The following PTPN11 variants were observed in gnomAD, a reference collection of about 807,000 sequenced individuals.
PTPN11 encodes the protein protein tyrosine phosphatase non-receptor type 11, also known as tyrosine-protein phosphatase non-receptor type 11.
In PTPN11, 6 loss-of-function variants were observed where a neutral mutation model predicts 78.8. That is an observed-to-expected ratio of 0.08 (90% CI 0.04 to 0.15). The LOEUF is 0.15. Ranked by LOEUF, PTPN11 falls within the 10% of genes least tolerant of loss-of-function variation. The pLI, the probability that PTPN11 is intolerant of heterozygous loss-of-function variation, is 1.00. For synonymous variants in PTPN11, 221 were observed against 263.5 expected (o/e 0.84, Z 1.56); for missense variants, 386 against 744.8 (o/e 0.52, Z 5.61).
intron 1 of PTPN11, among the ~76,000 whole-genome samples, chr12:112,427,936 A>G (rs2037647479): frequency 6.6e-6 from 1 of 151,976 alleles, no homozygotes; most frequent in Admixed American, 6.6e-5. Flanking sequence ...TTTTTTATAC[A>G]GACGGGGTCT....
intron 1 of PTPN11, among the ~76,000 whole-genome samples, chr12:112,439,677 C>T (rs957464787): frequency 6.6e-6 from 1 of 151,728 alleles, no homozygotes; most frequent in Non-Finnish European, 1.5e-5. Flanking sequence ...ACTATGTTGG[C>T]CAGGCTGGTC....
chr12:112,503,963 T>C (rs1344566400), intron 14 of PTPN11, among the ~76,000 whole-genome samples: 1 of 152,202 alleles, frequency 6.6e-6, no homozygotes, highest in African/African-American at 2.4e-5. Flanking sequence ...TCACATAACC[T>C]GAGCTGGGGC....
At chr12:112,492,688 T>A (rs1303227455) in intron 13 of PTPN11, among the ~76,000 whole-genome samples, 1 of 152,014 alleles carries the variant, frequency 6.6e-6, no homozygotes, top group Non-Finnish European at 1.5e-5. Context: ...TGGCTAATTT[T>A]TTGTATTTTT....
chr12:112,434,136 T>G (rs1473394540), intron 1 of PTPN11, among the ~76,000 whole-genome samples: 3 of 151,524 alleles, frequency 2.0e-5, no homozygotes, highest in Admixed American at 1.3e-4. Flanking sequence ...AAAAATTAGT[T>G]GGGCATAGTG....
chr12:112,466,763 C>T (rs151111850), intron 6 of PTPN11, among the ~76,000 whole-genome samples: 6 of 152,144 alleles, frequency 3.9e-5, no homozygotes, highest in East Asian at 3.9e-4. Flanking sequence ...TTGGTCTGGC[C>T]GTAATGGTGA....
chr12:112,472,245 C>T (rs2038430310), intron 6 of PTPN11, among the ~76,000 whole-genome samples: 1 of 152,184 alleles, frequency 6.6e-6, no homozygotes, highest in Non-Finnish European at 1.5e-5. Flanking sequence ...GCCTCAGCCT[C>T]TGGAGTAGCT....
intron 1 of PTPN11, among the ~76,000 whole-genome samples, chr12:112,435,131 G>A (rs969612303): frequency 1.3e-5 from 2 of 151,860 alleles, no homozygotes; most frequent in African/African-American, 4.8e-5. Flanking sequence ...CAATCTTTCC[G>A]TCTTAGCTTC....
intron 1 of PTPN11, among the ~76,000 whole-genome samples, chr12:112,430,515 G>C (rs1356463089): frequency 1.3e-5 from 2 of 152,114 alleles, no homozygotes; most frequent in Admixed American, 1.3e-4. Context: ...TGCAGCCTCA[G>C]ATGCCTGGGT....
At chr12:112,480,618 C>G (rs1340723111) in intron 9 of PTPN11, among the ~76,000 whole-genome samples, 14 of 152,146 alleles carry the variant, frequency 9.2e-5, no homozygotes. Flanking sequence ...ACCCGGCTTC[C>G]CAAAGTGCTG....
intron 2 of PTPN11, 119 bp downstream of exon 2, chr12:112,446,517 G>A: frequency 6.9e-7 from 1 of 1,452,510 alleles, no homozygotes; most frequent in South Asian, 1.1e-5. Context: ...TGAGCCCTGG[G>A]CTGCCTTCAG....
chr12:112,427,996 T>C (rs7977332), intron 1 of PTPN11, among the ~76,000 whole-genome samples: 34,840 of 152,044 alleles, frequency 0.23, 6,524 homozygotes, highest in East Asian at 0.85. Context: ...AGTGATTCTC[T>C]TGCCTCAGTT....
chr12:112,419,297 C>T (rs1285768200), intron 1 of PTPN11, among the ~76,000 whole-genome samples, 172 bp downstream of exon 1: 8 of 152,194 alleles, frequency 5.3e-5, no homozygotes, highest in African/African-American at 1.7e-4. Context: ...GGGCCGGCCC[C>T]ACCGCGCCCC....
chr12:112,432,205 C>A (rs1460515290), intron 1 of PTPN11, among the ~76,000 whole-genome samples: 1 of 152,116 alleles, frequency 6.6e-6, no homozygotes, highest in Non-Finnish European at 1.5e-5. Context: ...AGTATTGGCA[C>A]AAGTGAGGGA....
At chr12:112,435,870 G>T (rs2037781408) in intron 1 of PTPN11, among the ~76,000 whole-genome samples, 1 of 151,922 alleles carries the variant, frequency 6.6e-6, no homozygotes, top group African/African-American at 2.4e-5. Context: ...TTCAATAATG[G>T]CTGAGCCAGA....
chr12:112,441,934 G>A (rs573728421), intron 1 of PTPN11, among the ~76,000 whole-genome samples: 2 of 151,906 alleles, frequency 1.3e-5, no homozygotes, highest in Non-Finnish European at 2.9e-5. Flanking sequence ...ATGCCACCAC[G>A]CCTGGCTAAT....
In PTPN11 at chr12:112,450,508, G is replaced by A. The variant is rs397507518; in HGVS notation, c.328G>A (p.Glu110Lys). ...YPLNCADPTS[E>K]RWFHGHLSGK... ...TCTGAACTGTGCAGATCCTACCTCT[G>A]AAAGGTCAGTAACATTTTAGTGACC... Residue 110 changes from glutamate to lysine, a missense_variant, in exon 3 of 16, where the codon GAA becomes AAA. Physicochemically the swap from Glu to Lys is moderately conservative, Grantham distance 56. Coordinates refer to ENST00000351677, the MANE Select transcript of PTPN11 (RefSeq NM_002834.5). The A allele has an allele frequency of 6.2e-7, 1 of 1,613,820 alleles. No homozygotes were observed. Among genetic ancestry groups the A allele is most frequent in the Non-Finnish European group, 8.5e-7 (1 of 1,179,760 alleles).
At chr12:112,502,996 A>C (rs2038894247) in intron 14 of PTPN11, among the ~76,000 whole-genome samples, 1 of 152,230 alleles carries the variant, frequency 6.6e-6, no homozygotes, top group Non-Finnish European at 1.5e-5. Flanking sequence ...ATTTGCCACC[A>C]GTCAACAGAA....
In PTPN11 at chr12:112,498,312, CAGTG is replaced by C. The variant is rs372017849; in HGVS notation, c.1600-3829_1600-3826del. 3.6e-3 allele frequency among the ~76,000 whole-genome samples: 554 copies of C among 152,206 alleles called. 2 individuals are homozygous for C. Among genetic ancestry groups the C allele is most frequent in the African/African-American group, 0.013 (528 of 41,514 alleles). The stretch of plus-strand genomic sequence containing the variant: ...GTTTGGTCAGGGTGGGCAGGACTGA[CAGTG>C]AGCACAGAGCGAAGTAAAACCAGCA... On this transcript the variant is annotated intron_variant, in intron 13 of 15. Coordinates refer to ENST00000351677, the MANE Select transcript of PTPN11 (RefSeq NM_002834.5).
At chr12:112,467,122 G>C (rs1019684114) in intron 6 of PTPN11, among the ~76,000 whole-genome samples, 2 of 152,072 alleles carry the variant, frequency 1.3e-5, no homozygotes, top group African/African-American at 4.8e-5. Context: ...ATTTACATAA[G>C]GGAGACAATG....
Sources: allele counts gnomAD v4.1 joint callset (sites outside exome capture counted in the v4.1 genomes callset), GRCh38; gene constraint gnomAD v4.1.1; transcripts MANE v1.5; gene names NCBI Gene and HGNC (gene_info 2026-07-23, HGNC 2026-07-21).